SLFN11: variants seen among roughly 807,000 people sequenced by gnomAD.
The protein encoded by SLFN11 is schlafen family member 11.
A neutral mutation model predicts 53.4 loss-of-function variants in SLFN11; 43 were observed. The observed-to-expected ratio is 0.80, with a 90% confidence interval of 0.63 to 1.04. The LOEUF (loss-of-function observed/expected upper bound fraction) is 1.04. Among genes scored for constraint, SLFN11 ranks in the 50% least tolerant of loss-of-function variants. SLFN11 has a pLI of 0.00. For synonymous variants in SLFN11, 389 were observed against 394.7 expected (o/e 0.99, Z 0.17); for missense variants, 990 against 1,079.1 (o/e 0.92, Z 1.16).
intron 5 of SLFN11, among the ~76,000 whole-genome samples, chr17:35,359,255 G>A (rs1330229172): frequency 6.6e-6 from 1 of 152,000 alleles, no homozygotes; most frequent in Non-Finnish European, 1.5e-5. Context: ...CTTAAAAGGT[G>A]ATTAGCAGCG....
At chr17:35,359,741 A>G (rs1025088425) in intron 5 of SLFN11, among the ~76,000 whole-genome samples, 1 of 152,082 alleles carries the variant, frequency 6.6e-6, no homozygotes. Flanking sequence ...CTTATTTACA[A>G]CCACCACTCC....
Position 35,369,906 on chromosome 17 carries a change from T to C in SLFN11, c.-234-2206A>G, listed in dbSNP as rs563463995. On this transcript the variant is annotated intron_variant, in intron 1 of 6. Coordinates refer to ENST00000685675, the MANE Select transcript of SLFN11 (RefSeq NM_001376007.1). The stretch of plus-strand genomic sequence containing the variant: ...CAGCAAAGAAAAGTCTGGGACCCGA[T>C]GGCTTCACCACTGAATTCTACCAAA... Among the ~76,000 whole-genome samples the C allele has an allele frequency of 7.9e-5, 12 of 152,228 alleles. No homozygotes were observed. The East Asian group carries it at 2.3e-3, about 29-fold the overall frequency.
chr17:35,352,678 G>T lies in SLFN11; in HGVS notation c.2384C>A (p.Thr795Lys). The change falls in exon 7 of 7, where the codon ACG (threonine) becomes AAG (lysine). Residue 795 changes from threonine to lysine, a missense_variant. By Grantham distance (78) the Thr-to-Lys change is moderately conservative. Transcript: ENST00000685675. ...GCCCCTATCAAAGAAGCGCCTGCAC[G>T]TGTCTGCCACACAGGTCATTATTTG... Reference protein sequence around the residue: ...VEQIMTCVADTCRRFFDRGYS... With the variant: ...VEQIMTCVADKCRRFFDRGYS... 6.2e-7 allele frequency: 1 copy of T among 1,613,926 alleles called. No individual in the cohort carries two copies. The highest frequency in any genetic ancestry group is 8.5e-7 in the Non-Finnish European group (1 of 1,179,966).
chr17:35,358,014 G>C lies in SLFN11; in HGVS notation c.1198+2229C>G, dbSNP rs1435417616. 2.0e-5 allele frequency among the ~76,000 whole-genome samples: 3 copies of C among 148,088 alleles called. No homozygotes were observed. The East Asian group carries it at 5.9e-4, about 29-fold the overall frequency. The stretch of plus-strand genomic sequence containing the variant: ...CTTGCTCATTTAGTTTTTATGTTTA[G>C]ATTTAAATAATCTCTTTTTAAAATT... On this transcript the variant is annotated intron_variant, in intron 5 of 6. Transcript: ENST00000685675.
At chr17:35,353,206 A>G in intron 6 of SLFN11, 67 bp from the exon 7 acceptor site, 2 of 1,591,674 alleles carry the variant, frequency 1.3e-6, no homozygotes, top group South Asian at 1.2e-5. Context: ...TAATTGTATC[A>G]TGTTCCTCCG....
At position 35,353,753 on chromosome 17, in the gene SLFN11, C is replaced by G; in HGVS notation, c.1505G>C (p.Gly502Ala). 2 of 1,525,086 alleles carry G rather than the reference C, an allele frequency of 1.3e-6. No individual in the cohort carries two copies. The highest frequency in any genetic ancestry group is 1.8e-6 in the Non-Finnish European group (2 of 1,131,492). The allele number at this position is 1,525,086 out of a possible 1,614,324, so 94.5% of individuals were successfully genotyped here. A position where few individuals can be genotyped will look rare whatever the true frequency, so the allele number is the denominator to read the frequency against. ...FTLKQKLVNM[G>A]GYTGKVCVRA... ...GACACACACCTTCCCGGTGTAGCCC[C>G]CCATGTTCACTAGCTTCTGCTTCAA... Residue 502 changes from glycine (G) to alanine (A), a missense_variant, in exon 6 of 7, where the codon GGG becomes GCG. Coordinates refer to ENST00000685675, the MANE Select transcript of SLFN11 (RefSeq NM_001376007.1).
At position 35,363,080 on chromosome 17, in the gene SLFN11, C is replaced by T; in HGVS notation, c.728G>A (p.Gly243Glu). Residue 243 changes from glycine to glutamate, a missense_variant, in exon 4 of 7, where the codon GGA becomes GAA. Gly to Glu is a moderately conservative substitution (Grantham distance 98). Around this residue, in one of 3 missense-constraint regions of SLFN11, gnomAD observed 521 missense variants for 516.2 expected, o/e 1.01. Transcript: ENST00000685675. ...EYVPAFANTG[G>E]GYLFIGVDDK... Reference sequence around the variant, plus strand: ...ATCCACTCCAATAAAAAGATAGCCTCCTCCAGTGTTTGCAAATGCAGGGAC... The same window carrying T: ...ATCCACTCCAATAAAAAGATAGCCTTCTCCAGTGTTTGCAAATGCAGGGAC... 6.2e-7 allele frequency: 1 copy of T among 1,614,024 alleles called. No homozygotes were observed. The highest frequency in any genetic ancestry group is 8.5e-7 in the Non-Finnish European group (1 of 1,179,980).
rs752016794 is a variant in SLFN11, at chr17:35,352,463, C to T, written c.2599G>A (p.Gly867Arg). 2.5e-6 allele frequency: 4 copies of T among 1,614,066 alleles called. No homozygotes were observed. The African/African-American group carries it at 5.3e-5, about 22-fold the overall frequency. Residue 867 changes from glycine (G) to arginine (R), a missense_variant, in exon 7 of 7, where the codon GGG (glycine) becomes AGG (arginine). Physicochemically the swap from Gly to Arg is moderately radical, Grantham distance 125. Coordinates refer to ENST00000685675, the MANE Select transcript of SLFN11 (RefSeq NM_001376007.1). ...GGGTCAGCTGTCCTTGGATGGATCCCAAACACTATGCTCCTTTCCAGGCCT... is the reference window on the plus strand; with the variant it reads ...GGGTCAGCTGTCCTTGGATGGATCCTAAACACTATGCTCCTTTCCAGGCCT... ...FSGLERSIVF[G>R]IHPRTADPAI... is the part of the protein sequence containing the mutation.
In SLFN11 at chr17:35,351,098, AAGTCCAAGACAG is replaced by A. The variant is rs1906615697; in HGVS notation, c.*1246_*1257del. On this transcript the variant is annotated 3_prime_UTR_variant, in exon 7 of 7. Transcript: ENST00000685675. ...TTGTTTCTCACAGTCTGGAGGCTGG[AAGTCCAAGACAG>A]AGTCCAAGACTCTCGCCAGCAGCGA... 6.6e-6 allele frequency: 1 copy of A among 152,234 alleles called. No individual in the cohort carries two copies. Among genetic ancestry groups the A allele is most frequent in the Non-Finnish European group, 1.5e-5 (1 of 68,036 alleles). The allele number at this position is 152,234 out of a possible 1,614,324, so 9.4% of individuals were successfully genotyped here.
At chr17:35,360,429 C>G (rs1245581077) in intron 4 of SLFN11, 58 bp from the exon 5 acceptor site, 2 of 1,471,812 alleles carry the variant, frequency 1.4e-6, no homozygotes, top group East Asian at 2.4e-5. Flanking sequence ...CTGAAAGAGG[C>G]TCTATCAGTA....
intron 2 of SLFN11, 49 bp from the exon 3 acceptor site, chr17:35,367,112 A>G (rs1033002910): frequency 4.0e-5 from 6 of 151,444 alleles, no homozygotes; most frequent in African/African-American, 9.7e-5. Flanking sequence ...CATTCTTACC[A>G]CCTTGCCTAG....
At chr17:35,358,951 A>C (rs1907856724) in intron 5 of SLFN11, among the ~76,000 whole-genome samples, 1 of 152,104 alleles carries the variant, frequency 6.6e-6, no homozygotes, top group Non-Finnish European at 1.5e-5. Flanking sequence ...CCAGGAGTTC[A>C]AGGCTGCAAT....
Position 35,353,088 on chromosome 17 carries a change from G to T in SLFN11, c.1974C>A (p.Asn658Lys), listed in dbSNP as rs3744370. ...TGACGATGTGTTGAATGTGTTCAAA[G>T]TTTTCTCTTAGGAAAGTTTTCCGGG... ...AETRKTFLRE[N>K]FEHIQHIVID... The change falls in exon 7 of 7, where the codon AAC becomes AAA. Residue 658 changes from asparagine (N) to lysine (K), a missense_variant. Transcript: ENST00000685675. 47 of 1,613,918 alleles carry T rather than the reference G, an allele frequency of 2.9e-5. No homozygotes were observed. Among genetic ancestry groups the T allele is most frequent in the Middle Eastern group, 3.3e-4 (2 of 6,078 alleles).
intron 3 of SLFN11, 42 bp downstream of exon 3, chr17:35,366,905 C>T (rs544811053): frequency 4.6e-5 from 7 of 152,024 alleles, no homozygotes; most frequent in Admixed American, 6.5e-5. Context: ...AATCTCACCT[C>T]CTCAAAAAAT....
At chr17:35,371,582 G>C (rs541973143) in intron 1 of SLFN11, among the ~76,000 whole-genome samples, 1 of 152,184 alleles carries the variant, frequency 6.6e-6, no homozygotes, top group South Asian at 2.1e-4. Context: ...TCCAACAAGG[G>C]AGTAATAACC....
At chr17:35,362,624 T>TA in intron 4 of SLFN11, 115 bp downstream of exon 4, 1 of 760,904 alleles carries the variant, frequency 1.3e-6, no homozygotes, top group Non-Finnish European at 2.0e-6. Context: ...GGATTCAAAA[T>TA]AAAGTGTTCA....
chr17:35,353,023 C>T lies in SLFN11; in HGVS notation c.2039G>A (p.Trp680Ter). 2 of 1,614,194 alleles carry T rather than the reference C, an allele frequency of 1.2e-6. No homozygotes were observed. Among genetic ancestry groups the T allele is most frequent in the South Asian group, 2.2e-5 (2 of 91,084 alleles). Reference sequence around the variant, plus strand: ...AGTGATGCTTTTTGCCTTCCCATACCAGTCCCCATCTTCAGTACGGAAATT... The same window carrying T: ...AGTGATGCTTTTTGCCTTCCCATACTAGTCCCCATCTTCAGTACGGAAATT... ...AQNFRTEDGD[W>*]YGKAKSITRR... The change falls in exon 7 of 7, where the codon TGG becomes TAG. Residue 680 changes from tryptophan to a stop codon, truncating the protein, a stop_gained. Coordinates refer to ENST00000685675, the MANE Select transcript of SLFN11 (RefSeq NM_001376007.1). LOFTEE classifies it low-confidence loss of function (END_TRUNC).
chr17:35,363,800 G>T lies in SLFN11; in HGVS notation c.8C>A (p.Ala3Glu), dbSNP rs1196081010. Residue 3 changes from alanine to glutamate, a missense_variant, in exon 4 of 7, where the codon GCA becomes GAA. Around this residue, in one of 3 missense-constraint regions of SLFN11, gnomAD observed 521 missense variants for 516.2 expected, o/e 1.01. Coordinates refer to ENST00000685675, the MANE Select transcript of SLFN11 (RefSeq NM_001376007.1). MEANQCPLVVEPS... is the reference protein window; with the variant it reads MEENQCPLVVEPS... ...TTCCACAACCAGGGGGCACTGATTT[G>T]CCTCCATGTTGAACTCACAGCTGAA... is the stretch of plus-strand genomic sequence containing the variant. The T allele has an allele frequency of 6.4e-7, 1 of 1,567,146 alleles. No homozygotes were observed.
intron 1 of SLFN11, among the ~76,000 whole-genome samples, chr17:35,370,142 T>G (rs757253128): frequency 6.6e-6 from 1 of 152,108 alleles, no homozygotes. Flanking sequence ...CATGACTAAG[T>G]GCTATTTATT....
Sources: gnomAD v4.1 joint callset for allele counts (sites outside exome capture counted in the v4.1 genomes callset) on GRCh38, gnomAD v4.1.1 for gene constraint, gnomAD v4.1.1 regional missense constraint, MANE v1.5 for transcripts, NCBI Gene and HGNC (gene_info 2026-07-23, HGNC 2026-07-21) for gene names.